The following MBD5 variants were observed in gnomAD, a reference collection of about 807,000 sequenced individuals.
The protein encoded by MBD5 is methyl-CpG-binding domain protein 5.
In MBD5, 13 loss-of-function variants were observed where a neutral mutation model predicts 117.3. The observed-to-expected ratio is 0.11, with a 90% CI of 0.07 to 0.18. The LOEUF is 0.18. Ranked by LOEUF, MBD5 falls within the 10% of genes least tolerant of loss-of-function variation. The pLI is 1.00. For synonymous variants in MBD5, 727 were observed against 766.4 expected, an observed-to-expected ratio of 0.95 and a Z score of 0.85; for missense variants, 1,879 against 2,093.8, an observed-to-expected ratio of 0.90 and a Z score of 2.00.
intron 4 of MBD5, among the ~76,000 whole-genome samples, chr2:148,430,673 A>G (rs902859741): frequency 8.5e-5 from 13 of 152,106 alleles, no homozygotes; most frequent in Non-Finnish European, 1.3e-4. Context: ...CAGAGATTTT[A>G]TATCTAATAG....
At chr2:148,169,984 G>A (rs1574090657) in intron 1 of MBD5, among the ~76,000 whole-genome samples, 1 of 150,770 alleles carries the variant, frequency 6.6e-6, no homozygotes, top group African/African-American at 2.4e-5. Flanking sequence ...TGCAAGCTCC[G>A]CCTCCCGGGT....
chr2:148,455,423 A>G (rs1451812635), intron 4 of MBD5, among the ~76,000 whole-genome samples: 1 of 152,148 alleles, frequency 6.6e-6, no homozygotes, highest in Admixed American at 6.6e-5. Context: ...CAAACTTCGA[A>G]CAGGCATCAG....
chr2:148,216,446 A>C (rs1029258813), intron 2 of MBD5, among the ~76,000 whole-genome samples: 1 of 152,090 alleles, frequency 6.6e-6, no homozygotes, highest in African/African-American at 2.4e-5. Flanking sequence ...AAGACAAAAA[A>C]CTTTTTTTTT....
At chr2:148,088,226 C>T in intron 1 of MBD5, among the ~76,000 whole-genome samples, 1 of 151,948 alleles carries the variant, frequency 6.6e-6, no homozygotes, top group South Asian at 2.1e-4. Flanking sequence ...AATGGTCAAA[C>T]TTAAGAATAA....
intron 4 of MBD5, among the ~76,000 whole-genome samples, chr2:148,364,592 G>A (rs959102007): frequency 2.6e-5 from 4 of 152,120 alleles, no homozygotes; most frequent in East Asian, 1.9e-4. Flanking sequence ...GTATTCAGGA[G>A]ACCCATCTCA....
intron 3 of MBD5, among the ~76,000 whole-genome samples, chr2:148,300,540 G>C (rs1313867442): frequency 2.6e-5 from 4 of 151,610 alleles, no homozygotes. Flanking sequence ...TACCTTCCTT[G>C]AAAAGTTTTT....
At chr2:148,226,504 G>T (rs1023018964) in intron 2 of MBD5, among the ~76,000 whole-genome samples, 64 of 152,244 alleles carry the variant, frequency 4.2e-4, no homozygotes, top group African/African-American at 1.5e-3. Flanking sequence ...TCTTAATCCA[G>T]TCTACCATTG....
intron 4 of MBD5, among the ~76,000 whole-genome samples, chr2:148,413,141 A>G (rs575793405): frequency 2.0e-5 from 3 of 152,216 alleles, no homozygotes; most frequent in East Asian, 3.9e-4. Flanking sequence ...TGTCCCTTCA[A>G]TGCCTAGTTC....
At chr2:148,277,823 CTAATT>C (rs1418741716) in intron 3 of MBD5, among the ~76,000 whole-genome samples, 1 of 151,950 alleles carries the variant, frequency 6.6e-6, no homozygotes, top group Non-Finnish European at 1.5e-5. Context: ...CTTTGTTTTT[CTAATT>C]TAATAAATGA....
chr2:148,074,507 G>GTTT (rs11443189), intron 1 of MBD5, among the ~76,000 whole-genome samples: 78 of 113,762 alleles, frequency 6.9e-4, no homozygotes, highest in African/African-American at 1.4e-3. Context: ...TTTTTTTTTT[G>GTTT]TTTTTTTTTT....
Position 148,489,987 on chromosome 2 carries a change from C to T in MBD5, c.4355C>T (p.Pro1452Leu), listed in dbSNP as rs1289868922. ...RWKYEEFLDH[P>L]GHIHSSPCHE... The stretch of plus-strand genomic sequence containing the variant: ...AAGTACGAGGAATTTTTAGATCATC[C>T]AGGCCATATCCACAGTAGTCCTTGT... Residue 1452 changes from proline to leucine, a missense_variant, in exon 11 of 14, where the codon CCA becomes CTA. This residue lies in a region of MBD5 where 1,666 missense variants were observed against 1,792.2 expected (regional missense o/e 0.93). Coordinates refer to ENST00000642680, the MANE Select transcript of MBD5 (RefSeq NM_001378120.1). 6.2e-7 allele frequency: 1 copy of T among 1,613,772 alleles called. No homozygotes were observed. The highest frequency in any genetic ancestry group is 2.2e-5 in the East Asian group (1 of 44,886).
intron 1 of MBD5, among the ~76,000 whole-genome samples, chr2:148,078,573 A>G (rs77240796): frequency 0.026 from 4,000 of 152,314 alleles, 102 homozygotes; most frequent in African/African-American, 0.068. Flanking sequence ...GTTAATTTCC[A>G]TAAAATGAAC....
intron 1 of MBD5, among the ~76,000 whole-genome samples, chr2:148,116,657 T>A (rs1352504880): frequency 6.6e-6 from 1 of 152,182 alleles, no homozygotes. Context: ...ACACAATTCC[T>A]CTCCATATAA....
At chr2:148,399,302 A>T (rs1472628594) in intron 4 of MBD5, among the ~76,000 whole-genome samples, 2 of 152,198 alleles carry the variant, frequency 1.3e-5, no homozygotes, top group African/African-American at 4.8e-5. Context: ...ATGTTCTTCC[A>T]TGTGTTTGTA....
At chr2:148,486,381 A>G (rs1681340745) in intron 10 of MBD5, among the ~76,000 whole-genome samples, 1 of 152,216 alleles carries the variant, frequency 6.6e-6, no homozygotes, top group Non-Finnish European at 1.5e-5. Context: ...TGGAAAGGGT[A>G]ACACTAAATC....
chr2:148,442,427 C>T (rs1706355662), intron 4 of MBD5, among the ~76,000 whole-genome samples: 1 of 151,176 alleles, frequency 6.6e-6, no homozygotes. Context: ...ATGATGACTG[C>T]TATATCCCAT....
intron 11 of MBD5, 192 bp downstream of exon 11, chr2:148,490,786 G>T (rs1416746812): frequency 3.0e-6 from 2 of 677,684 alleles, no homozygotes; most frequent in Non-Finnish European, 4.9e-6. Flanking sequence ...TATCAACAAG[G>T]GGTGAGTTGT....
intron 1 of MBD5, among the ~76,000 whole-genome samples, chr2:148,050,713 A>G (rs1694674772): frequency 6.6e-6 from 1 of 152,172 alleles, no homozygotes; most frequent in Non-Finnish European, 1.5e-5. Flanking sequence ...TCTGTTAATC[A>G]AAGACATGTG....
rs532025916 is a variant in MBD5 at position 148,077,578 on chromosome 2, G to T, written c.-925+55894G>T. Among the ~76,000 whole-genome samples the T allele has an allele frequency of 2.2e-4, 34 of 152,236 alleles. No homozygotes were observed. The East Asian group carries it at 6.6e-3, about 29-fold the overall frequency. On this transcript the variant is annotated intron_variant, in intron 1 of 13. Transcript: ENST00000642680. ...ATTTTAAACGGAGTAAGAGACTGTG[G>T]TTCAAAGTGTATAGAATGTAAAAAC...
Sources: gnomAD v4.1 joint callset for allele counts (sites outside exome capture counted in the v4.1 genomes callset) on GRCh38, gnomAD v4.1.1 for gene constraint, gnomAD v4.1.1 regional missense constraint, MANE v1.5 for transcripts, NCBI Gene and HGNC (gene_info 2026-07-23, HGNC 2026-07-21) for gene names.